The following MCPH1 variants were observed in gnomAD, a reference collection of about 807,000 sequenced individuals.
MCPH1 encodes the protein microcephalin.
A neutral mutation model predicts 84.5 loss-of-function variants in MCPH1; 104 were observed. The ratio of observed to expected loss-of-function variants is 1.23; its 90% confidence interval spans 1.05 to 1.45. The LOEUF (loss-of-function observed/expected upper bound fraction) is 1.45. Ranked by LOEUF, MCPH1 falls within the 40% of genes most tolerant of loss-of-function variation. MCPH1 has a pLI of 0.00. For missense variants in MCPH1, 1,498 were observed against 1,005.7 expected, an observed-to-expected ratio of 1.49 and a Z score of -6.62; for synonymous variants, 514 against 366.8, an observed-to-expected ratio of 1.40 and a Z score of -4.58.
At chr8:6,410,680 G>A (rs560991225) in intron 2 of MCPH1, among the ~76,000 whole-genome samples, 1 of 152,282 alleles carries the variant, frequency 6.6e-6, no homozygotes, top group African/African-American at 2.4e-5. Flanking sequence ...GGGAAGCCCA[G>A]CTAGGAGGCA....
At chr8:6,596,881 A>T (rs1021802575) in intron 12 of MCPH1, among the ~76,000 whole-genome samples, 2 of 152,228 alleles carry the variant, frequency 1.3e-5, no homozygotes, top group Admixed American at 1.3e-4. Flanking sequence ...CTGAGAAAAT[A>T]CAGAAGGACA....
chr8:6,565,187 T>G (rs1285214438), intron 12 of MCPH1, among the ~76,000 whole-genome samples: 1 of 151,742 alleles, frequency 6.6e-6, no homozygotes, highest in Non-Finnish European at 1.5e-5. Context: ...ATGGAGATCA[T>G]TTTTTCTCTG....
chr8:6,640,055 A>C (rs1797826873), intron 13 of MCPH1, among the ~76,000 whole-genome samples: 1 of 104,044 alleles, frequency 9.6e-6, no homozygotes, highest in African/African-American at 3.3e-5. Context: ...TGCTATTTTA[A>C]ACTCGTGTGT....
At position 6,576,754 on chromosome 8, in the gene MCPH1, G is replaced by A. The variant is rs78038293; in HGVS notation, c.2215-44700G>A. ...GTAGAGATGGGTTTTCACCATATTG[G>A]TCAGGGTGGTCTCGAACTCCTGACC... On this transcript the variant is annotated intron_variant, in intron 12 of 13. Transcript: ENST00000344683. Among the ~76,000 whole-genome samples, 852 of 116,524 alleles carry A rather than the reference G, an allele frequency of 7.3e-3. 11 individuals are homozygous for A. The highest frequency in any genetic ancestry group is 0.062 in the East Asian group (226 of 3,636). The allele number at this position is 116,524 out of a possible 152,430, so 76.4% of individuals were successfully genotyped here.
In MCPH1 at chr8:6,486,262, A is replaced by ATCTCTCTCTCTC. The variant is rs56247663; in HGVS notation, c.2136+5408_2136+5419dup. 1.2e-4 allele frequency among the ~76,000 whole-genome samples: 17 copies of ATCTCTCTCTCTC among 147,190 alleles called. 1 individual carries two copies. The highest frequency in any genetic ancestry group is 6.0e-4 in the East Asian group (3 of 4,982). On this transcript the variant is annotated intron_variant, in intron 11 of 13. Transcript: ENST00000344683. ...TATACATTGACTTTGTGTACAAGGAATCTCTCTCTCTCTCTCTCTCTCTCT... is the reference window on the plus strand; with the variant it reads ...TATACATTGACTTTGTGTACAAGGAATCTCTCTCTCTCTCTCTCTCTCTCTCTCTCTCTCTCT...
intron 3 of MCPH1, among the ~76,000 whole-genome samples, chr8:6,415,175 C>T (rs181386500): frequency 6.0e-4 from 91 of 152,158 alleles, no homozygotes; most frequent in Admixed American, 1.3e-3. Flanking sequence ...TTGTGTTAGT[C>T]AGCAAGCGCT....
Position 6,533,819 on chromosome 8 carries a change from C to G in MCPH1, c.2214+33890C>G, listed in dbSNP as rs961875483. Among the ~76,000 whole-genome samples, 6 of 152,094 alleles carry G rather than the reference C, an allele frequency of 3.9e-5. No individual in the cohort carries two copies. In the South Asian group the frequency reaches 6.2e-4, roughly 16 times the overall value. On this transcript the variant is annotated intron_variant, in intron 12 of 13. Transcript: ENST00000344683. ...AGTCAGTCATCAGACATGATTTCCC[C>G]CAAAATGTTAACCACTAAATAATTC...
intron 12 of MCPH1, among the ~76,000 whole-genome samples, chr8:6,529,882 GT>G (rs3045055): frequency 3.4e-5 from 5 of 148,624 alleles, no homozygotes; most frequent in East Asian, 2.0e-4. Flanking sequence ...CACAATAGGC[GT>G]TTTTTTTTTA....
At chr8:6,543,847 T>A (rs1822053831) in intron 12 of MCPH1, among the ~76,000 whole-genome samples, 1 of 152,224 alleles carries the variant, frequency 6.6e-6, no homozygotes, top group African/African-American at 2.4e-5. Flanking sequence ...GTGCATGGAC[T>A]TTAAGGAGCT....
intron 13 of MCPH1, among the ~76,000 whole-genome samples, chr8:6,639,208 G>A (rs1160636043): frequency 6.6e-6 from 1 of 152,146 alleles, no homozygotes; most frequent in Admixed American, 6.5e-5. Context: ...TGCATGGGTA[G>A]ATGGGTAGAT....
chr8:6,430,711 TA>T (rs1407684789), intron 3 of MCPH1, among the ~76,000 whole-genome samples: 1 of 152,304 alleles, frequency 6.6e-6, no homozygotes, highest in Non-Finnish European at 1.5e-5. Context: ...AGAGGCCTTA[TA>T]AAAACACTTA....
At chr8:6,506,876 A>C (rs1813831494) in intron 12 of MCPH1, among the ~76,000 whole-genome samples, 1 of 151,902 alleles carries the variant, frequency 6.6e-6, no homozygotes, top group African/African-American at 2.4e-5. Flanking sequence ...TTTCATTACT[A>C]AATCCTCCTT....
intron 12 of MCPH1, chr8:6,618,327 C>G (rs972035923): frequency 8.5e-5 from 13 of 152,158 alleles, no homozygotes; most frequent in African/African-American, 3.1e-4. Context: ...GGAAATGGTG[C>G]TTTATTTGCT....
At chr8:6,470,994 T>A (rs1283883448) in intron 9 of MCPH1, among the ~76,000 whole-genome samples, 1 of 152,224 alleles carries the variant, frequency 6.6e-6, no homozygotes, top group African/African-American at 2.4e-5. Context: ...TAAATTTCCT[T>A]ACAATGGAGG....
At chr8:6,544,447 C>G (rs1053238913) in intron 12 of MCPH1, among the ~76,000 whole-genome samples, 2 of 152,102 alleles carry the variant, frequency 1.3e-5, no homozygotes, top group Admixed American at 6.6e-5. Context: ...ACCTCCTAAC[C>G]CAAAATAAGA....
chr8:6,407,750 A>G (rs896797761), intron 1 of MCPH1, among the ~76,000 whole-genome samples: 3 of 152,208 alleles, frequency 2.0e-5, no homozygotes, highest in African/African-American at 4.8e-5. Flanking sequence ...GCTTTTAAAC[A>G]TCAGGTTTTG....
chr8:6,434,478 G>T (rs953905589), intron 4 of MCPH1, among the ~76,000 whole-genome samples: 7 of 152,170 alleles, frequency 4.6e-5, no homozygotes, highest in South Asian at 2.1e-4. Context: ...AGTGAAAGCA[G>T]TGCAGGCCGG....
intron 3 of MCPH1, among the ~76,000 whole-genome samples, chr8:6,424,701 T>G (rs1430648228): frequency 6.6e-6 from 1 of 152,232 alleles, no homozygotes; most frequent in East Asian, 1.9e-4. Flanking sequence ...CTGGGCAAAT[T>G]ACTCAACTGC....
chr8:6,625,795 A>C lies in MCPH1; in HGVS notation c.2452+4104A>C, dbSNP rs1052146890. On this transcript the variant is annotated intron_variant, in intron 13 of 13. Coordinates refer to ENST00000344683, the MANE Select transcript of MCPH1 (RefSeq NM_024596.5). ...CAAGACCCCATCTCTAAAAAGAAAA[A>C]AAAAAGAATCATTTTTCAGTGCCTT... 4.1e-6 allele frequency: 4 copies of C among 985,036 alleles called. No homozygotes were observed. The African/African-American group carries it at 7.0e-5, about 17-fold the overall frequency. The allele number at this position is 985,036 out of a possible 1,614,324, so 61.0% of individuals were successfully genotyped here.
Sources: allele counts gnomAD v4.1 joint callset (sites outside exome capture counted in the v4.1 genomes callset), GRCh38; gene constraint gnomAD v4.1.1; transcripts MANE v1.5; gene names NCBI Gene and HGNC (gene_info 2026-07-23, HGNC 2026-07-21).